WDPCP: variants seen among roughly 807,000 people sequenced by gnomAD.
The protein encoded by WDPCP is WD repeat containing planar cell polarity effector.
A neutral mutation model predicts 93.1 loss-of-function variants in WDPCP; 71 were observed. That is an observed-to-expected ratio of 0.76 (90% CI 0.63 to 0.93). The LOEUF is 0.93. WDPCP is among the 40% of genes least tolerant of loss of function. WDPCP has a pLI of 0.00. For missense variants in WDPCP, 844 were observed against 887.4 expected (o/e 0.95, Z 0.62); for synonymous variants, 315 against 315.0 (o/e 1.00, Z 0.00).
Position 63,628,132 on chromosome 2 carries a change from C to T in WDPCP, n.488+22527G>A, listed in dbSNP as rs142106481. ...TGTGGGCTGAGAAAGCTGAGGCAGC[C>T]TTGTCGCCGAGGCCCGCAAAGGGGT... is the stretch of plus-strand genomic sequence containing the variant. On this transcript the variant is annotated intron_variant and non_coding_transcript_variant, in intron 3 of 4. Transcript: ENST00000467687. Among the ~76,000 whole-genome samples, 440 of 152,288 alleles carry T rather than the reference C, an allele frequency of 2.9e-3. 1 individual carries two copies. The highest frequency in any genetic ancestry group is 5.0e-3 in the Non-Finnish European group (338 of 68,024).
intron 13 of WDPCP, among the ~76,000 whole-genome samples, chr2:63,312,946 A>G (rs534703863): frequency 6.6e-6 from 1 of 152,160 alleles, no homozygotes; most frequent in South Asian, 2.1e-4. Context: ...ATTTAAGCTT[A>G]CTAGATAGAT....
chr2:63,243,835 C>T (rs891357998), intron 14 of WDPCP, among the ~76,000 whole-genome samples: 35 of 152,052 alleles, frequency 2.3e-4, no homozygotes, highest in Admixed American at 2.1e-3. Flanking sequence ...CAAAGAACTT[C>T]TAGACTTCAA....
intron 12 of WDPCP, among the ~76,000 whole-genome samples, chr2:63,362,032 G>A (rs1365777707): frequency 6.6e-6 from 1 of 152,022 alleles, no homozygotes; most frequent in East Asian, 1.9e-4. Context: ...AGGGTAATTG[G>A]GATATCCATC....
At chr2:63,501,180 A>ATTATGTTC (rs1334096182) in intron 1 of WDPCP, among the ~76,000 whole-genome samples, 7 of 152,364 alleles carry the variant, frequency 4.6e-5, no homozygotes, top group Admixed American at 4.6e-4. Context: ...AAATAGAAGC[A>ATTATGTTC]AAATGCAAAA....
chr2:63,484,723 A>G, intron 5 of WDPCP, 60 bp from the exon 6 acceptor site: 1 of 1,603,448 alleles, frequency 6.2e-7, no homozygotes, highest in Non-Finnish European at 8.5e-7. Context: ...ATTATCAGTT[A>G]AAGTGCCTCT....
intron 2 of WDPCP, among the ~76,000 whole-genome samples, chr2:63,657,996 G>A (rs1427435514): frequency 3.9e-5 from 6 of 151,984 alleles, no homozygotes; most frequent in Admixed American, 1.3e-4. Flanking sequence ...TTTCCCCCAA[G>A]ACAAATTCTA....
intron 2 of WDPCP, among the ~76,000 whole-genome samples, chr2:63,698,219 T>C (rs558547822): frequency 6.6e-6 from 1 of 152,278 alleles, no homozygotes; most frequent in African/African-American, 2.4e-5. Context: ...CCTCCCAAAG[T>C]GCTCGACTTT....
At chr2:63,260,083 C>T (rs2699397) in intron 13 of WDPCP, among the ~76,000 whole-genome samples, 98,590 of 151,974 alleles carry the variant, frequency 0.65, 34,498 homozygotes, top group African/African-American at 0.89. Context: ...GAATAAGAGT[C>T]ACTATAAGAG....
chr2:63,558,147 G>A (rs1476330609), intron 1 of WDPCP, among the ~76,000 whole-genome samples: 1 of 151,568 alleles, frequency 6.6e-6, no homozygotes, highest in Non-Finnish European at 1.5e-5. Flanking sequence ...GGAGATAAGA[G>A]ACATAAAAAC....
At chr2:63,199,555 G>C (rs576697223) in intron 14 of WDPCP, among the ~76,000 whole-genome samples, 2 of 152,352 alleles carry the variant, frequency 1.3e-5, no homozygotes, top group African/African-American at 4.8e-5. Context: ...CTAAGCCTTG[G>C]TGGCTTCCAT....
At chr2:63,636,657 A>G (rs1245306959) in intron 3 of WDPCP, among the ~76,000 whole-genome samples, 2 of 152,058 alleles carry the variant, frequency 1.3e-5, no homozygotes, top group Non-Finnish European at 2.9e-5. Flanking sequence ...GGCTGGCATC[A>G]CACTTCTTAA....
chr2:63,405,314 T>C (rs1414253095), intron 9 of WDPCP, among the ~76,000 whole-genome samples: 1 of 152,126 alleles, frequency 6.6e-6, no homozygotes, highest in Non-Finnish European at 1.5e-5. Flanking sequence ...AATGTACTAG[T>C]TTTAAAATAA....
intron 10 of WDPCP, among the ~76,000 whole-genome samples, chr2:63,393,891 C>A (rs1479594884): frequency 6.6e-6 from 1 of 152,050 alleles, no homozygotes; most frequent in African/African-American, 2.4e-5. Context: ...GAAACTGGAC[C>A]CCATCTTTAC....
chr2:63,557,617 G>C (rs1029060348), intron 1 of WDPCP, among the ~76,000 whole-genome samples: 1 of 151,844 alleles, frequency 6.6e-6, no homozygotes, highest in Non-Finnish European at 1.5e-5. Flanking sequence ...AGGATATTCA[G>C]GACTTGAGCT....
At chr2:63,724,555 G>C (rs188387746) in intron 2 of WDPCP, among the ~76,000 whole-genome samples, 64 of 152,226 alleles carry the variant, frequency 4.2e-4, no homozygotes, top group Non-Finnish European at 7.1e-4. Context: ...ATGCTTATGG[G>C]AGCATCAGAG....
At chr2:63,385,637 G>A (rs887533400) in intron 10 of WDPCP, among the ~76,000 whole-genome samples, 3 of 151,878 alleles carry the variant, frequency 2.0e-5, no homozygotes, top group Non-Finnish European at 4.4e-5. Context: ...TTGGAGAAGG[G>A]TACTACTTTT....
chr2:63,728,200 AG>A (rs1392979176), intron 2 of WDPCP, among the ~76,000 whole-genome samples: 1 of 152,246 alleles, frequency 6.6e-6, no homozygotes, highest in South Asian at 2.1e-4. Flanking sequence ...TACAAGCAGT[AG>A]CATTATATTT....
rs558531771 is a variant in WDPCP, at chr2:63,214,659, A to G, written c.1916-39827T>C. The stretch of plus-strand genomic sequence containing the variant: ...AAAAGAAGGAAATAAAGGGTATTCA[A>G]TTAGTAAAAGAGGAAGTCAAGTTGT... On this transcript the variant is annotated intron_variant, in intron 14 of 17. Coordinates refer to ENST00000272321, the MANE Select transcript of WDPCP (RefSeq NM_015910.7). Among the ~76,000 whole-genome samples, 8 of 152,302 alleles carry G rather than the reference A, an allele frequency of 5.3e-5. No homozygotes were observed. The South Asian group carries it at 6.2e-4, about 12-fold the overall frequency.
At chr2:63,505,946 G>A (rs1333165515) in intron 1 of WDPCP, among the ~76,000 whole-genome samples, 1 of 151,972 alleles carries the variant, frequency 6.6e-6, no homozygotes, top group Non-Finnish European at 1.5e-5. Flanking sequence ...TCAGAGTATG[G>A]CAAATAAAAC....
Sources: gnomAD v4.1 joint callset for allele counts (sites outside exome capture counted in the v4.1 genomes callset) on GRCh38, gnomAD v4.1.1 for gene constraint, MANE v1.5 for transcripts, NCBI Gene and HGNC (gene_info 2026-07-23, HGNC 2026-07-21) for gene names.